ZFHX3: variants seen among roughly 807,000 people sequenced by gnomAD.
The protein encoded by ZFHX3 is zinc finger homeobox protein 3.
ZFHX3 carries 42 observed loss-of-function variants against 279.1 expected under a neutral mutation model. The observed-to-expected ratio is 0.15, with a 90% confidence interval of 0.12 to 0.19. The LOEUF (loss-of-function observed/expected upper bound fraction) is 0.19. Ranked by LOEUF, ZFHX3 falls within the 10% of genes least tolerant of loss-of-function variation. The pLI is 1.00. For missense variants in ZFHX3, 4,981 were observed against 4,754.0 expected (o/e 1.05, Z -1.40); for synonymous variants, 2,293 against 1,957.8 (o/e 1.17, Z -4.52).
intron 1 of ZFHX3, among the ~76,000 whole-genome samples, chr16:73,839,195 A>C (rs1961227227): frequency 6.6e-6 from 1 of 151,710 alleles, no homozygotes; most frequent in African/African-American, 2.4e-5. Context: ...TGTCTCTACT[A>C]AAAATGCAAA....
intron 1 of ZFHX3, among the ~76,000 whole-genome samples, chr16:72,971,646 C>T (rs78215949): frequency 6.6e-6 from 1 of 152,024 alleles, no homozygotes; most frequent in Non-Finnish European, 1.5e-5. Context: ...CCCTCTGGAA[C>T]GTGCCAAACT....
At chr16:73,027,705 G>A (rs999921118) in intron 1 of ZFHX3, among the ~76,000 whole-genome samples, 4 of 152,122 alleles carry the variant, frequency 2.6e-5, no homozygotes, top group Non-Finnish European at 5.9e-5. Context: ...TGTTCAGTAA[G>A]AAGAAATCTG....
chr16:73,800,869 C>G (rs979213659), intron 1 of ZFHX3, among the ~76,000 whole-genome samples: 1 of 152,176 alleles, frequency 6.6e-6, no homozygotes, highest in Non-Finnish European at 1.5e-5. Flanking sequence ...GGAAGGGACA[C>G]TCTGCTTTTT....
chr16:72,838,099 A>C (rs374127847), intron 4 of ZFHX3, among the ~76,000 whole-genome samples: 4 of 152,176 alleles, frequency 2.6e-5, no homozygotes, highest in African/African-American at 9.6e-5. Flanking sequence ...CCCACACTGA[A>C]GGAATTCAGC....
intron 5 of ZFHX3, among the ~76,000 whole-genome samples, chr16:73,168,485 G>C (rs964998313): frequency 1.3e-5 from 2 of 151,984 alleles, no homozygotes; most frequent in Admixed American, 1.3e-4. Context: ...TGAACTCCTG[G>C]CCTCAAGCAG....
intron 3 of ZFHX3, among the ~76,000 whole-genome samples, chr16:73,341,423 C>T (rs3900250): frequency 0.71 from 108,384 of 152,054 alleles, 39,280 homozygotes; most frequent in African/African-American, 0.81. Context: ...AAAAAAGATA[C>T]ATAAGTAGCC....
intron 3 of ZFHX3, among the ~76,000 whole-genome samples, chr16:73,399,803 AGAGT>A (rs1292778874): frequency 6.7e-6 from 1 of 149,668 alleles, no homozygotes; most frequent in Non-Finnish European, 1.5e-5. Context: ...GTGTGTGGAA[AGAGT>A]GTGTGTGTGG....
At chr16:73,271,373 C>T (rs556800867) in intron 4 of ZFHX3, among the ~76,000 whole-genome samples, 2 of 152,336 alleles carry the variant, frequency 1.3e-5, no homozygotes, top group East Asian at 1.9e-4. Context: ...GCAGGTCACA[C>T]CCCCTGCTCA....
At chr16:72,930,817 T>C (rs1959752153) in intron 3 of ZFHX3, among the ~76,000 whole-genome samples, 1 of 152,142 alleles carries the variant, frequency 6.6e-6, no homozygotes. Flanking sequence ...ACGTAAGAAA[T>C]GCAAAAGACT....
At chr16:73,013,459 T>C (rs934221379) in intron 1 of ZFHX3, among the ~76,000 whole-genome samples, 3 of 152,014 alleles carry the variant, frequency 2.0e-5, no homozygotes, top group African/African-American at 7.3e-5. Flanking sequence ...AGCTAATTTT[T>C]CTATTTTTTG....
chr16:72,859,497 G>A (rs1450776999), intron 4 of ZFHX3, among the ~76,000 whole-genome samples: 1 of 152,214 alleles, frequency 6.6e-6, no homozygotes, highest in Non-Finnish European at 1.5e-5. Flanking sequence ...CTGGAAGTCT[G>A]GAAGAGATTC....
chr16:73,591,912 GA>G (rs2052003698), intron 2 of ZFHX3, among the ~76,000 whole-genome samples: 1 of 151,736 alleles, frequency 6.6e-6, no homozygotes, highest in Admixed American at 6.6e-5. Context: ...TTTTAGGTAT[GA>G]ACTGTTGGTG....
At position 73,236,497 on chromosome 16, in the gene ZFHX3, C is replaced by T. The variant is rs144817022; in HGVS notation, c.-1104+20550G>A. Among the ~76,000 whole-genome samples, 547 of 152,154 alleles carry T rather than the reference C, an allele frequency of 3.6e-3. 14 individuals are homozygous for T. The highest frequency in any genetic ancestry group is 0.032 in the Admixed American group (495 of 15,276). On this transcript the variant is annotated intron_variant, in intron 5 of 17. Transcript: ENST00000641206. The stretch of plus-strand genomic sequence containing the variant: ...CCCAGCTACTTGCGGGGCTGAAGCA[C>T]GGGAATTGCTGAATTGCTTGAGCCT...
intron 4 of ZFHX3, among the ~76,000 whole-genome samples, chr16:72,831,280 T>G (rs1175330228): frequency 6.6e-6 from 1 of 152,188 alleles, no homozygotes; most frequent in Non-Finnish European, 1.5e-5. Context: ...GTCCAAGGTC[T>G]GGAAAACTGA....
chr16:73,181,696 A>G (rs1007208347), intron 5 of ZFHX3, among the ~76,000 whole-genome samples: 2 of 152,176 alleles, frequency 1.3e-5, no homozygotes, highest in Non-Finnish European at 2.9e-5. Flanking sequence ...ATGAGCTTTA[A>G]TGATTGGGAG....
chr16:73,157,065 G>C (rs907684421), intron 5 of ZFHX3, among the ~76,000 whole-genome samples: 1 of 151,756 alleles, frequency 6.6e-6, no homozygotes, highest in South Asian at 2.1e-4. Flanking sequence ...TATATTGCCC[G>C]GGATATAAGC....
intron 3 of ZFHX3, among the ~76,000 whole-genome samples, chr16:72,941,372 A>T (rs1001527583): frequency 4.6e-5 from 7 of 152,240 alleles, no homozygotes; most frequent in African/African-American, 1.4e-4. Flanking sequence ...CGGGTTTCAC[A>T]AACAAGGAAG....
At chr16:73,114,209 C>T (rs148240816) in intron 7 of ZFHX3, among the ~76,000 whole-genome samples, 1 of 151,940 alleles carries the variant, frequency 6.6e-6, no homozygotes, top group Non-Finnish European at 1.5e-5. Flanking sequence ...CAGGCATGAG[C>T]CACCGTGTCT....
In ZFHX3 at chr16:73,381,550, G is replaced by A. The variant is rs74915087; in HGVS notation, c.-1290-63214C>T. Among the ~76,000 whole-genome samples the A allele has an allele frequency of 6.9e-3, 1,057 of 152,276 alleles. 6 individuals carry two copies. Among genetic ancestry groups the A allele is most frequent in the Non-Finnish European group, 0.012 (824 of 68,022 alleles). On this transcript the variant is annotated intron_variant, in intron 3 of 17. Coordinates refer to the ZFHX3 transcript ENST00000641206. ...TACAAAGACAGAATTTCATTTCACA[G>A]GGCAGAAAGTGATTTATTTTTAAAA... is the stretch of plus-strand genomic sequence containing the variant.
Sources: allele counts gnomAD v4.1 joint callset (sites outside exome capture counted in the v4.1 genomes callset), GRCh38; gene constraint gnomAD v4.1.1; transcripts MANE v1.5; gene names NCBI Gene and HGNC (gene_info 2026-07-23, HGNC 2026-07-21).